HIPK2: variants seen among roughly 807,000 people sequenced by gnomAD.
The protein encoded by HIPK2 is homeodomain-interacting protein kinase 2.
In HIPK2, 27 loss-of-function variants were observed where a neutral mutation model predicts 113.7. The observed-to-expected ratio is 0.24, with a 90% CI of 0.17 to 0.33. HIPK2 has a LOEUF of 0.33. Ranked by LOEUF, HIPK2 falls within the 10% of genes least tolerant of loss-of-function variation. The pLI is 1.00. For missense variants in HIPK2, 1,257 were observed against 1,588.0 expected (o/e 0.79, Z 3.54); for synonymous variants, 631 against 642.2 (o/e 0.98, Z 0.26).
rs1036117453 is a variant in HIPK2, at chr7:139,630,159, C to CT, written c.1347+1005dup. On this transcript the variant is annotated intron_variant, in intron 4 of 14. Transcript: ENST00000406875. This position sits in a 1 kb window ranked among gnomAD's most constrained non-coding sequence, Gnocchi z 4.0. Reference sequence around the variant, plus strand: ...TTATTTTCTTTTTACCAGGAAAATACTTTGATTTTAATTGCTAGGCACAGA... The same window carrying CT: ...TTATTTTCTTTTTACCAGGAAAATACTTTTGATTTTAATTGCTAGGCACAGA... Among the ~76,000 whole-genome samples, 45 of 152,164 alleles carry CT rather than the reference C, an allele frequency of 3.0e-4. No individual in the cohort carries two copies. The highest frequency in any genetic ancestry group is 1.0e-3 in the African/African-American group (43 of 41,510).
Position 139,613,336 on chromosome 7 carries a change from G to T in HIPK2, c.1991-13C>A. 6.2e-7 allele frequency: 1 copy of T among 1,612,760 alleles called. No individual in the cohort carries two copies. Among genetic ancestry groups the T allele is most frequent in the Middle Eastern group, 1.7e-4 (1 of 6,040 alleles). ...GAGGCCTGCAAGCCTGTTCCAGACA[G>T]TGTGAGGGAGAGAAGGGTTAGCTGA... On this transcript the variant is annotated splice_polypyrimidine_tract_variant and intron_variant, in intron 8 of 14. Coordinates refer to ENST00000406875, the MANE Select transcript of HIPK2 (RefSeq NM_022740.5). This position sits in a 1 kb window ranked among gnomAD's most constrained non-coding sequence, Gnocchi z 4.2.
intron 1 of HIPK2, chr7:139,776,945 C>A (rs534713387): frequency 1.3e-5 from 2 of 152,190 alleles, no homozygotes; most frequent in Non-Finnish European, 2.9e-5. Flanking sequence ...CAACACAGAT[C>A]GACCCAGACC....
chr7:139,767,187 C>T (rs1796566976), intron 1 of HIPK2, among the ~76,000 whole-genome samples: 1 of 152,222 alleles, frequency 6.6e-6, no homozygotes, highest in Non-Finnish European at 1.5e-5. Flanking sequence ...ACTGGAAATG[C>T]AAATGCTCAA....
rs1380501116 is a variant in HIPK2 at position 139,569,129 on chromosome 7, C to T, written c.*3798G>A. 1 of 152,474 alleles carries T rather than the reference C, an allele frequency of 6.6e-6. No homozygotes were observed. Among genetic ancestry groups the T allele is most frequent in the Non-Finnish European group, 1.5e-5 (1 of 68,286 alleles). 9.4% of individuals were successfully genotyped at this position (152,474 alleles called of 1,614,324 possible). The stretch of plus-strand genomic sequence containing the variant: ...AGCCGCCCAGCTTTGTTCAGGGTTT[C>T]TCTGGCCTCCTGCTGTCCCTCCACC... On this transcript the variant is annotated 3_prime_UTR_variant, in exon 15 of 15. Transcript: ENST00000406875.
intron 2 of HIPK2, among the ~76,000 whole-genome samples, chr7:139,656,101 C>T (rs1452065108): frequency 6.6e-6 from 1 of 152,128 alleles, no homozygotes; most frequent in Non-Finnish European, 1.5e-5. Flanking sequence ...TCTTCTCTCT[C>T]CTCTTCCTTC....
rs1372453083 is a variant in HIPK2 at position 139,565,851 on chromosome 7, G to C, written c.*7076C>G. ...AAGAGTGAATCTATTACAGAGATCA[G>C]AGCTGTCAGGATAATTATCAAGTGC... On this transcript the variant is annotated 3_prime_UTR_variant, in exon 15 of 15. Coordinates refer to ENST00000406875, the MANE Select transcript of HIPK2 (RefSeq NM_022740.5). 6.6e-6 allele frequency: 1 copy of C among 151,820 alleles called. No homozygotes were observed. The highest frequency in any genetic ancestry group is 1.5e-5 in the Non-Finnish European group (1 of 67,984). The allele number at this position is 151,820 out of a possible 1,614,324, so 9.4% of individuals were successfully genotyped here.
At chr7:139,708,305 G>A (rs1013343878) in intron 2 of HIPK2, among the ~76,000 whole-genome samples, 2 of 152,246 alleles carry the variant, frequency 1.3e-5, no homozygotes, top group African/African-American at 4.8e-5. Context: ...ACTCAGCCCC[G>A]AACCCATCAA....
chr7:139,658,620 T>A (rs9969246), intron 2 of HIPK2, among the ~76,000 whole-genome samples: 6 of 152,044 alleles, frequency 3.9e-5, no homozygotes, highest in Non-Finnish European at 7.4e-5. Flanking sequence ...GAAGAGTCTT[T>A]GACAATATAC....
chr7:139,639,123 G>A (rs115620144), intron 2 of HIPK2, among the ~76,000 whole-genome samples: 4,538 of 152,256 alleles, frequency 0.03, 223 homozygotes, highest in African/African-American at 0.1. Flanking sequence ...AGGTAAGGGA[G>A]GTAGTTCCCC....
chr7:139,683,922 T>C lies in HIPK2; in HGVS notation c.1103+32010A>G, dbSNP rs1197128755. 6.6e-6 allele frequency among the ~76,000 whole-genome samples: 1 copy of C among 151,856 alleles called. No individual in the cohort carries two copies. The highest frequency in any genetic ancestry group is 1.5e-5 in the Non-Finnish European group (1 of 67,996). On this transcript the variant is annotated intron_variant, in intron 2 of 14. Transcript: ENST00000406875. The surrounding 1 kb of genome is among the most constrained non-coding windows in gnomAD (Gnocchi z 4.2). ...TATAGAGAGACATACCTCATTATATTGCCCCTAGCTTGACTGAGCTTTGCA... is the reference window on the plus strand; with the variant it reads ...TATAGAGAGACATACCTCATTATATCGCCCCTAGCTTGACTGAGCTTTGCA...
intron 2 of HIPK2, among the ~76,000 whole-genome samples, chr7:139,635,331 A>G (rs1266429303): frequency 6.6e-6 from 1 of 152,160 alleles, no homozygotes; most frequent in African/African-American, 2.4e-5. Flanking sequence ...TCTGAACTTG[A>G]CTATGGGCCT....
At chr7:139,762,450 G>C (rs2058265) in intron 1 of HIPK2, among the ~76,000 whole-genome samples, 1 of 151,994 alleles carries the variant, frequency 6.6e-6, no homozygotes, top group Non-Finnish European at 1.5e-5. Context: ...GGAAAAGTGA[G>C]ACCAGCAGGA....
At chr7:139,600,756 G>C (rs1585259433) in intron 10 of HIPK2, 160 bp from the exon 11 acceptor site, 1 of 303,488 alleles carries the variant, frequency 3.3e-6, no homozygotes, top group Non-Finnish European at 4.8e-6. Context: ...TGTGCTCAAC[G>C]GGTGGGTTTC....
At chr7:139,672,488 G>A (rs947037674) in intron 2 of HIPK2, among the ~76,000 whole-genome samples, 1 of 151,522 alleles carries the variant, frequency 6.6e-6, no homozygotes, top group Non-Finnish European at 1.5e-5. Flanking sequence ...TTTTTGAGAT[G>A]GAGTTTCGCT....
In HIPK2 at chr7:139,600,321, A is replaced by T. The variant is rs544427467; in HGVS notation, c.2435+96T>A. The T allele has an allele frequency of 3.3e-4, 448 of 1,370,240 alleles. 1 individual carries two copies. Among genetic ancestry groups the T allele is most frequent in the Middle Eastern group, 3.2e-3 (12 of 3,784 alleles). The allele number at this position is 1,370,240 out of a possible 1,614,324, so 84.9% of individuals were successfully genotyped here. ...TGCCCCCATCCCATGCAACTGTCCCATGTTCAGAGTGGGTGCTGATACTCC... is the reference window on the plus strand; with the variant it reads ...TGCCCCCATCCCATGCAACTGTCCCTTGTTCAGAGTGGGTGCTGATACTCC... On this transcript the variant is annotated intron_variant, in intron 11 of 14. Coordinates refer to ENST00000406875, the MANE Select transcript of HIPK2 (RefSeq NM_022740.5).
chr7:139,579,197 G>A (rs186661831), intron 13 of HIPK2, among the ~76,000 whole-genome samples: 7 of 152,346 alleles, frequency 4.6e-5, no homozygotes, highest in African/African-American at 1.4e-4. Context: ...GGTGCCCAAA[G>A]TAGGGGTGTT....
chr7:139,677,595 C>G (rs1802547932), intron 2 of HIPK2, among the ~76,000 whole-genome samples: 1 of 152,066 alleles, frequency 6.6e-6, no homozygotes, highest in Non-Finnish European at 1.5e-5. Context: ...TTAAATTATA[C>G]TTTAAGTTCT....
At chr7:139,705,260 AGCT>A (rs1410661569) in intron 2 of HIPK2, among the ~76,000 whole-genome samples, 1 of 152,222 alleles carries the variant, frequency 6.6e-6, no homozygotes, top group Non-Finnish European at 1.5e-5. Flanking sequence ...TTCGTGACAG[AGCT>A]GCTGTGTGCC....
intron 2 of HIPK2, among the ~76,000 whole-genome samples, chr7:139,646,698 T>A (rs1801243015): frequency 6.6e-6 from 1 of 152,122 alleles, no homozygotes; most frequent in Non-Finnish European, 1.5e-5. Flanking sequence ...TTTGTTCTCG[T>A]GAGCCCCAAA....
Sources: gnomAD v4.1 joint callset for allele counts (sites outside exome capture counted in the v4.1 genomes callset) on GRCh38, gnomAD v4.1.1 for gene constraint, Gnocchi (gnomAD v3.1) non-coding constraint, MANE v1.5 for transcripts, NCBI Gene and HGNC (gene_info 2026-07-23, HGNC 2026-07-21) for gene names.